Variants in NPLOC4 observed in about 807,000 individuals in gnomAD.
NPLOC4 encodes nuclear protein localization protein 4 homolog.
NPLOC4 carries 18 observed loss-of-function variants against 80.6 expected under a neutral mutation model. The observed-to-expected ratio is 0.22, with a 90% CI of 0.15 to 0.33. The LOEUF is 0.33. NPLOC4 is among the 10% of genes least tolerant of loss of function. The probability of loss-of-function intolerance (pLI) is 1.00; values close to 1 mark genes in which losing one functional copy is unlikely to be tolerated. For missense variants in NPLOC4, 540 were observed against 786.1 expected, an observed-to-expected ratio of 0.69 and a Z score of 3.74; for synonymous variants, 313 against 301.5, an observed-to-expected ratio of 1.04 and a Z score of -0.39.
chr17:81,603,067 G>A (rs1401210792), intron 8 of NPLOC4, among the ~76,000 whole-genome samples: 1 of 151,706 alleles, frequency 6.6e-6, no homozygotes, highest in Admixed American at 6.6e-5. Context: ...CACTTGGGAG[G>A]CTGAGGCAGG....
intron 12 of NPLOC4, among the ~76,000 whole-genome samples, chr17:81,585,170 C>CA (rs35473939): frequency 0.14 from 5,865 of 40,772 alleles, 1,527 homozygotes; most frequent in Middle Eastern, 0.17. Context: ...ACTCTGTCGC[C>CA]AAAAAAAAAA....
chr17:81,590,247 G>GCCCAC (rs2034702824), intron 11 of NPLOC4, among the ~76,000 whole-genome samples: 3 of 152,274 alleles, frequency 2.0e-5, no homozygotes, highest in Admixed American at 6.5e-5. Context: ...CCTCCACACT[G>GCCCAC]CCCACCCCAT....
intron 3 of NPLOC4, among the ~76,000 whole-genome samples, chr17:81,620,354 G>C (rs1455332980): frequency 6.6e-6 from 1 of 152,132 alleles, no homozygotes; most frequent in East Asian, 1.9e-4. Context: ...AAATTAGCCA[G>C]GCATGGTGGC....
chr17:81,596,833 G>A (rs1053097572), intron 10 of NPLOC4, among the ~76,000 whole-genome samples: 2 of 151,890 alleles, frequency 1.3e-5, no homozygotes, highest in African/African-American at 2.4e-5. Flanking sequence ...GGGGCCTGAG[G>A]GCTGGGCATG....
intron 3 of NPLOC4, among the ~76,000 whole-genome samples, chr17:81,621,567 G>A (rs188226171): frequency 9.2e-5 from 14 of 152,286 alleles, no homozygotes; most frequent in South Asian, 8.3e-4. Context: ...GCCAGCACCC[G>A]TGTTCCGTAA....
intron 1 of NPLOC4, among the ~76,000 whole-genome samples, chr17:81,635,741 G>C (rs937450343): frequency 6.6e-6 from 1 of 152,086 alleles, no homozygotes; most frequent in Non-Finnish European, 1.5e-5. Context: ...TGGCAAAACT[G>C]CAGAGACTGT....
chr17:81,575,606 C>T (rs940515132), intron 12 of NPLOC4, among the ~76,000 whole-genome samples: 1 of 152,192 alleles, frequency 6.6e-6, no homozygotes, highest in African/African-American at 2.4e-5. Context: ...CTAAAGCAAT[C>T]GGCAAGGACA....
intron 7 of NPLOC4, 135 bp downstream of exon 7, chr17:81,606,556 G>A: frequency 3.3e-6 from 3 of 912,822 alleles, no homozygotes; most frequent in Non-Finnish European, 4.9e-6. Context: ...TCCACAAAAG[G>A]ATCATTCAGT....
Position 81,606,866 on chromosome 17 carries a change from GA to G in NPLOC4, c.531-53del. The G allele has an allele frequency of 4.5e-6, 7 of 1,564,078 alleles. No homozygotes were observed. The South Asian group carries it at 8.0e-5, about 18-fold the overall frequency. ...ATCACATTGGTGAAAAGTTGAGCAA[GA>G]GGCTGGAAATGACATGCTAAGTATC... On this transcript the variant is annotated intron_variant, in intron 6 of 16. Coordinates refer to ENST00000331134, the MANE Select transcript of NPLOC4 (RefSeq NM_017921.4).
intron 2 of NPLOC4, among the ~76,000 whole-genome samples, chr17:81,625,014 G>C (rs1413960166): frequency 6.6e-6 from 1 of 152,202 alleles, no homozygotes; most frequent in East Asian, 1.9e-4. Flanking sequence ...CACTGAAGAG[G>C]AAGCTAGAGT....
Position 81,606,819 on chromosome 17 carries a change from A to G in NPLOC4, c.531-5T>C, listed in dbSNP as rs745734679. On this transcript the variant is annotated splice_polypyrimidine_tract_variant and splice_region_variant and intron_variant, in intron 6 of 16. Coordinates refer to ENST00000331134, the MANE Select transcript of NPLOC4 (RefSeq NM_017921.4). The stretch of plus-strand genomic sequence containing the variant: ...TCCAGGGCAACAAACTTCCCCCTAC[A>G]TAGAAGAGAAGCAACTTAAACATCA... 6 of 1,585,766 alleles carry G rather than the reference A, an allele frequency of 3.8e-6. No individual in the cohort carries two copies. The highest frequency in any genetic ancestry group is 2.8e-5 in the African/African-American group (2 of 71,082).
chr17:81,565,301 G>A (rs2033975851), intron 16 of NPLOC4: 2 of 702,892 alleles, frequency 2.8e-6, no homozygotes, highest in South Asian at 1.5e-5. Context: ...CGTACGGCCT[G>A]GACAACATGT....
In NPLOC4 at chr17:81,565,486, AG is replaced by A; in HGVS notation, c.1669+18del. 2.0e-6 allele frequency: 3 copies of A among 1,532,572 alleles called. No homozygotes were observed. The allele number at this position is 1,532,572 out of a possible 1,614,324, so 94.9% of individuals were successfully genotyped here. ...GGCCCCAGCCACGGGGTGCCGGGGCAGGGGGTGGGGGTACTCACTGCACAGC... is the reference window on the plus strand; with the variant it reads ...GGCCCCAGCCACGGGGTGCCGGGGCAGGGGTGGGGGTACTCACTGCACAGC... On this transcript the variant is annotated intron_variant, in intron 16 of 16. Transcript: ENST00000331134.
In NPLOC4 at chr17:81,567,586, C is replaced by A. The variant is rs2034046471; in HGVS notation, c.1450-53G>T. 1.8e-6 allele frequency: 2 copies of A among 1,107,916 alleles called. No individual in the cohort carries two copies. Among genetic ancestry groups the A allele is most frequent in the Non-Finnish European group, 2.7e-6 (2 of 738,106 alleles). The allele number at this position is 1,107,916 out of a possible 1,614,324, so 68.6% of individuals were successfully genotyped here. A position where few individuals can be genotyped will look rare whatever the true frequency, so the allele number is the denominator to read the frequency against. ...TTCCATACAGTTCCCCAGTGCCAGA[C>A]CCCGAAACAGAGCTGTTTCCTACTA... On this transcript the variant is annotated intron_variant, in intron 14 of 16. Transcript: ENST00000331134. The surrounding 1 kb of genome is among the most constrained non-coding windows in gnomAD (Gnocchi z 4.5).
intron 3 of NPLOC4, among the ~76,000 whole-genome samples, chr17:81,621,071 GT>G (rs1358342198): frequency 6.9e-6 from 1 of 145,470 alleles, no homozygotes; most frequent in Non-Finnish European, 1.5e-5. Flanking sequence ...AAGGAAGGAA[GT>G]ATCAAGATGC....
chr17:81,566,134 C>T (rs1314044944), intron 15 of NPLOC4, among the ~76,000 whole-genome samples: 2 of 152,186 alleles, frequency 1.3e-5, no homozygotes, highest in Non-Finnish European at 2.9e-5. Flanking sequence ...GAGTTTGAGA[C>T]CAGCCTGGCA....
rs2035472351 is a variant in NPLOC4, at chr17:81,615,919, G to A, written c.210-2425C>T. 2.0e-5 allele frequency among the ~76,000 whole-genome samples: 3 copies of A among 152,226 alleles called. No homozygotes were observed. In the South Asian group the frequency reaches 6.2e-4, roughly 32 times the overall value. ...CATCTGGAGCAGAACCAGGGATGAT[G>A]CCATTTGGTTCAGAAAGCCCAAAGA... is the stretch of plus-strand genomic sequence containing the variant. On this transcript the variant is annotated intron_variant, in intron 3 of 16. Coordinates refer to ENST00000331134, the MANE Select transcript of NPLOC4 (RefSeq NM_017921.4).
At chr17:81,617,870 G>A (rs532493397) in intron 3 of NPLOC4, among the ~76,000 whole-genome samples, 6 of 152,300 alleles carry the variant, frequency 3.9e-5, no homozygotes, top group East Asian at 1.9e-4. Flanking sequence ...TGTGTTGGCC[G>A]GGCTGGTCTC....
intron 7 of NPLOC4, among the ~76,000 whole-genome samples, chr17:81,605,474 C>T (rs772506061): frequency 4.0e-5 from 6 of 151,130 alleles, no homozygotes; most frequent in Non-Finnish European, 8.8e-5. Flanking sequence ...ACAGTGAAAC[C>T]CTGTCTCTAC....
Sources: allele counts gnomAD v4.1 joint callset (sites outside exome capture counted in the v4.1 genomes callset), GRCh38; gene constraint gnomAD v4.1.1; non-coding constraint Gnocchi (gnomAD v3.1); transcripts MANE v1.5; gene names NCBI Gene and HGNC (gene_info 2026-07-23, HGNC 2026-07-21).